Variants in MORN5 observed in about 807,000 individuals in gnomAD.
The protein encoded by MORN5 is MORN repeat containing 5.
MORN5 carries 21 observed loss-of-function variants against 22.1 expected under a neutral mutation model. The ratio of observed to expected loss-of-function variants is 0.95; its 90% CI spans 0.67 to 1.37. The LOEUF (loss-of-function observed/expected upper bound fraction) is 1.37. MORN5 is among the 40% of genes most tolerant of loss of function. The pLI is 0.00. For missense variants in MORN5, 211 were observed against 215.1 expected (o/e 0.98, Z 0.12); for synonymous variants, 73 against 74.0 (o/e 0.99, Z 0.07).
At chr9:122,171,861 C>G (rs986586236) in intron 3 of MORN5, among the ~76,000 whole-genome samples, 1 of 151,994 alleles carries the variant, frequency 6.6e-6, no homozygotes, top group Admixed American at 6.6e-5. Context: ...TCCAGCCCTC[C>G]ATCATCTTTC....
chr9:122,198,944 T>C (rs1171321784), intron 4 of MORN5, among the ~76,000 whole-genome samples: 1 of 152,194 alleles, frequency 6.6e-6, no homozygotes, highest in Non-Finnish European at 1.5e-5. Context: ...CAACAGCACA[T>C]ATTTTACAGA....
intron 4 of MORN5, among the ~76,000 whole-genome samples, chr9:122,198,986 C>T (rs761648162): frequency 6.6e-6 from 1 of 152,164 alleles, no homozygotes; most frequent in African/African-American, 2.4e-5. Context: ...CTCTATCCCA[C>T]CATTGGTGTA....
intron 4 of MORN5, among the ~76,000 whole-genome samples, chr9:122,188,357 T>C (rs989154677): frequency 3.3e-5 from 5 of 152,190 alleles, no homozygotes; most frequent in Non-Finnish European, 7.3e-5. Flanking sequence ...GTAAAAGAGG[T>C]AATGACATTG....
chr9:122,164,391 G>A (rs1829246538), intron 1 of MORN5, among the ~76,000 whole-genome samples: 1 of 152,190 alleles, frequency 6.6e-6, no homozygotes, highest in South Asian at 2.1e-4. Flanking sequence ...TGAAGCTGCA[G>A]GAAAGAGAAA....
intron 4 of MORN5, among the ~76,000 whole-genome samples, chr9:122,185,253 T>C (rs1465120841): frequency 1.2e-4 from 16 of 130,402 alleles, no homozygotes; most frequent in African/African-American, 4.4e-4. Context: ...GACAGAGTCT[T>C]GCTCTGTCAC....
intron 4 of MORN5, among the ~76,000 whole-genome samples, chr9:122,199,364 C>T (rs984886648): frequency 2.0e-5 from 3 of 152,156 alleles, no homozygotes; most frequent in African/African-American, 7.2e-5. Flanking sequence ...TCAGGCACAG[C>T]GGCGAGCTCC....
intron 4 of MORN5, chr9:122,175,380 T>A: frequency 1.2e-6 from 1 of 822,240 alleles, no homozygotes. Flanking sequence ...AGAACCTCAG[T>A]TTGGTGAGTC....
At chr9:122,187,118 C>T (rs991905884) in intron 4 of MORN5, among the ~76,000 whole-genome samples, 2 of 152,246 alleles carry the variant, frequency 1.3e-5, no homozygotes, top group Non-Finnish European at 2.9e-5. Flanking sequence ...AGATGACACA[C>T]TCCAGCAAGA....
chr9:122,166,030 G>A (rs990595295), intron 1 of MORN5, among the ~76,000 whole-genome samples: 7 of 152,132 alleles, frequency 4.6e-5, no homozygotes, highest in African/African-American at 7.2e-5. Flanking sequence ...CATGGTGGAC[G>A]CAAAGGGGGA....
At chr9:122,192,835 C>G (rs1413372329) in intron 4 of MORN5, among the ~76,000 whole-genome samples, 1 of 152,250 alleles carries the variant, frequency 6.6e-6, no homozygotes, top group Non-Finnish European at 1.5e-5. Context: ...CTCACAAGCT[C>G]TGTTTGCCCA....
At chr9:122,173,511 T>G (rs1829396506) in intron 3 of MORN5, among the ~76,000 whole-genome samples, 1 of 152,180 alleles carries the variant, frequency 6.6e-6, no homozygotes, top group Non-Finnish European at 1.5e-5. Flanking sequence ...ACCTACTGTG[T>G]GCAAGACACT....
At chr9:122,188,171 A>T (rs1829679776) in intron 4 of MORN5, among the ~76,000 whole-genome samples, 1 of 152,214 alleles carries the variant, frequency 6.6e-6, no homozygotes, top group South Asian at 2.1e-4. Context: ...GTTTAGCTTC[A>T]GTCCTTCAGA....
chr9:122,182,608 G>A (rs1432603413), intron 4 of MORN5, among the ~76,000 whole-genome samples: 2 of 152,144 alleles, frequency 1.3e-5, no homozygotes, highest in African/African-American at 4.8e-5. Flanking sequence ...AAAATTAGCT[G>A]GGCATGGTGG....
At chr9:122,171,252 G>T (rs1393025125) in intron 3 of MORN5, among the ~76,000 whole-genome samples, 4 of 152,214 alleles carry the variant, frequency 2.6e-5, no homozygotes, top group Non-Finnish European at 4.4e-5. Flanking sequence ...AGGCACTGGA[G>T]TCAGGCAGAC....
chr9:122,173,704 A>C (rs377640111), intron 3 of MORN5, among the ~76,000 whole-genome samples: 30 of 152,278 alleles, frequency 2.0e-4, no homozygotes, highest in African/African-American at 6.0e-4. Context: ...AGGTGCACTC[A>C]ATCTTCTTTC....
intron 1 of MORN5, chr9:122,164,461 C>G: frequency 6.0e-6 from 3 of 499,710 alleles, no homozygotes; most frequent in Non-Finnish European, 7.8e-6. Flanking sequence ...GGCTCCAGTC[C>G]CGTCCAGAGA....
chr9:122,195,020 CAA>C (rs34845051), intron 4 of MORN5, among the ~76,000 whole-genome samples: 13 of 111,902 alleles, frequency 1.2e-4, no homozygotes, highest in Admixed American at 1.8e-4. Context: ...AACTCCATCT[CAA>C]AAAAAAAAAA....
intron 1 of MORN5, among the ~76,000 whole-genome samples, chr9:122,160,705 C>G (rs1829184222): frequency 1.3e-5 from 2 of 152,008 alleles, no homozygotes; most frequent in African/African-American, 4.8e-5. Context: ...GCCTCAACCC[C>G]CTAGGCTCAA....
intron 4 of MORN5, among the ~76,000 whole-genome samples, chr9:122,194,808 T>C (rs7850176): frequency 0.5 from 76,137 of 151,842 alleles, 22,097 homozygotes; most frequent in African/African-American, 0.79. Flanking sequence ...TCACCTGAGG[T>C]CAGGAGTTTG....
Sources: allele counts gnomAD v4.1 joint callset (sites outside exome capture counted in the v4.1 genomes callset), GRCh38; gene constraint gnomAD v4.1.1; transcripts MANE v1.5; gene names NCBI Gene and HGNC (gene_info 2026-07-23, HGNC 2026-07-21).